SYNPR: variants seen among roughly 807,000 people sequenced by gnomAD.
SYNPR encodes the protein synaptoporin.
A neutral mutation model predicts 32.9 loss-of-function variants in SYNPR; 23 were observed. The ratio of observed to expected loss-of-function variants is 0.70; its 90% confidence interval spans 0.50 to 0.99. The LOEUF is 0.99. Among genes scored for constraint, SYNPR ranks in the 50% least tolerant of loss-of-function variants. SYNPR has a pLI of 0.00. For synonymous variants in SYNPR, 146 were observed against 135.9 expected (o/e 1.07, Z -0.52); for missense variants, 318 against 349.3 (o/e 0.91, Z 0.71).
intron 5 of SYNPR, 106 bp downstream of exon 5, chr3:63,609,422 T>G (rs1357564124): frequency 1.6e-5 from 16 of 1,029,860 alleles, no homozygotes; most frequent in Non-Finnish European, 9.4e-6. Flanking sequence ...CCTACAAAAC[T>G]AGGCCAATCA....
intron 2 of SYNPR, among the ~76,000 whole-genome samples, chr3:63,432,489 T>A (rs1037459767): frequency 1.3e-5 from 2 of 152,224 alleles, no homozygotes; most frequent in African/African-American, 4.8e-5. Flanking sequence ...TTTTTGTAAA[T>A]TTAATTGTAT....
intron 2 of SYNPR, among the ~76,000 whole-genome samples, chr3:63,478,122 A>G (rs1362359829): frequency 1.3e-5 from 2 of 152,200 alleles, no homozygotes; most frequent in Non-Finnish European, 2.9e-5. Flanking sequence ...AAGTAAAAAG[A>G]AAAAATTGTG....
intron 2 of SYNPR, among the ~76,000 whole-genome samples, chr3:63,400,536 C>T (rs946915810): frequency 6.6e-6 from 1 of 152,180 alleles, no homozygotes; most frequent in African/African-American, 2.4e-5. Context: ...CAAAACATGG[C>T]AGCTGATATT....
At chr3:63,377,614 G>T (rs1451880092) in intron 2 of SYNPR, among the ~76,000 whole-genome samples, 1 of 148,778 alleles carries the variant, frequency 6.7e-6, no homozygotes, top group Non-Finnish European at 1.5e-5. Context: ...CAATCCAAGT[G>T]AGATACATCT....
At chr3:63,529,149 T>C (rs1459132451) in intron 3 of SYNPR, among the ~76,000 whole-genome samples, 1 of 152,222 alleles carries the variant, frequency 6.6e-6, no homozygotes, top group Non-Finnish European at 1.5e-5. Flanking sequence ...ACAGTCATTC[T>C]TCAGTATCCA....
intron 2 of SYNPR, among the ~76,000 whole-genome samples, chr3:63,284,364 T>C (rs1472355935): frequency 6.6e-6 from 1 of 152,202 alleles, no homozygotes; most frequent in African/African-American, 2.4e-5. Flanking sequence ...GTGGCTTGCA[T>C]AGTTCTCCAA....
At chr3:63,538,410 T>A (rs1334721515) in intron 3 of SYNPR, among the ~76,000 whole-genome samples, 1 of 152,088 alleles carries the variant, frequency 6.6e-6, no homozygotes, top group Non-Finnish European at 1.5e-5. Flanking sequence ...TGATGATAAT[T>A]AATATTATTC....
intron 4 of SYNPR, among the ~76,000 whole-genome samples, chr3:63,571,593 C>A (rs1167227375): frequency 2.0e-5 from 3 of 151,974 alleles, no homozygotes; most frequent in African/African-American, 7.2e-5. Flanking sequence ...TAGTAATATT[C>A]TGTATTCAAA....
At chr3:63,316,121 G>A (rs2087040842) in intron 2 of SYNPR, among the ~76,000 whole-genome samples, 1 of 151,872 alleles carries the variant, frequency 6.6e-6, no homozygotes, top group Non-Finnish European at 1.5e-5. Flanking sequence ...CTTTTTGATA[G>A]GTTGTTGGAT....
chr3:63,511,085 G>C (rs1234614215), intron 3 of SYNPR, among the ~76,000 whole-genome samples: 1 of 152,016 alleles, frequency 6.6e-6, no homozygotes, highest in East Asian at 1.9e-4. Context: ...TAAAAATCTG[G>C]GTAGTTAATA....
At chr3:63,448,822 A>G (rs1308609245) in intron 2 of SYNPR, among the ~76,000 whole-genome samples, 1 of 152,172 alleles carries the variant, frequency 6.6e-6, no homozygotes, top group Non-Finnish European at 1.5e-5. Flanking sequence ...CTGAGTTTCT[A>G]TTTCATGGCC....
chr3:63,265,778 A>G (rs905956967), intron 2 of SYNPR, among the ~76,000 whole-genome samples: 3 of 152,218 alleles, frequency 2.0e-5, no homozygotes, highest in Admixed American at 6.5e-5. Context: ...GGCTGTGAAT[A>G]TCACCACTGT....
At chr3:63,462,041 A>C (rs995835650) in intron 2 of SYNPR, among the ~76,000 whole-genome samples, 3 of 152,012 alleles carry the variant, frequency 2.0e-5, no homozygotes, top group African/African-American at 7.2e-5. Flanking sequence ...GCCTCCTCTC[A>C]TGCTATGCTT....
chr3:63,373,215 C>A (rs1243656957), intron 2 of SYNPR, among the ~76,000 whole-genome samples: 1 of 152,114 alleles, frequency 6.6e-6, no homozygotes, highest in Non-Finnish European at 1.5e-5. Context: ...AGCAAGGGTA[C>A]TTAGCCAGGC....
chr3:63,581,986 G>A (rs1203474731), intron 4 of SYNPR, among the ~76,000 whole-genome samples: 1 of 152,052 alleles, frequency 6.6e-6, no homozygotes. Context: ...CTTGCAAAAT[G>A]TTTGCTTCCC....
Position 63,410,211 on chromosome 3 carries a change from C to A in SYNPR, c.85-70621C>A, listed in dbSNP as rs1004090365. 5.9e-5 allele frequency among the ~76,000 whole-genome samples: 9 copies of A among 152,148 alleles called. No homozygotes were observed. The South Asian group carries it at 1.9e-3, about 32-fold the overall frequency. ...CTGTATGCCAGATGTGGACTAGGTA[C>A]TGCAAAAACAAGACATGACAATTGT... On this transcript the variant is annotated intron_variant, in intron 2 of 5. Transcript: ENST00000478300.
rs540061439 is a variant in SYNPR, at chr3:63,443,298, T to A, written c.85-37534T>A. 1.6e-4 allele frequency: 236 copies of A among 1,480,024 alleles called. 1 individual carries two copies. The South Asian group carries it at 3.0e-3, about 19-fold the overall frequency. The allele number at this position is 1,480,024 out of a possible 1,614,324, so 91.7% of individuals were successfully genotyped here. A position where few individuals can be genotyped will look rare whatever the true frequency, so the allele number is the denominator to read the frequency against. ...GATTGGTATAACATCTCACTTTCCCTCTGCATTGATTTTCTTCTTCTCCTC... is the reference window on the plus strand; with the variant it reads ...GATTGGTATAACATCTCACTTTCCCACTGCATTGATTTTCTTCTTCTCCTC... On this transcript the variant is annotated intron_variant, in intron 2 of 5. Transcript: ENST00000478300.
rs1393280047 is a variant in SYNPR at position 63,261,737 on chromosome 3, T to G, written n.155-5580T>G. On this transcript the variant is annotated intron_variant and non_coding_transcript_variant, in intron 2 of 4. Transcript: ENST00000478456. ...ATAATAATAATAATAATAATAATAA[T>G]AGTAAAACAAACCATCATTCTGAGC... Among the ~76,000 whole-genome samples, 12 of 145,620 alleles carry G rather than the reference T, an allele frequency of 8.2e-5. No individual in the cohort carries two copies. In the Admixed American group the frequency reaches 8.4e-4, roughly 10 times the overall value.
chr3:63,566,242 C>A (rs1219553258), intron 4 of SYNPR, among the ~76,000 whole-genome samples: 1 of 151,892 alleles, frequency 6.6e-6, no homozygotes, highest in Non-Finnish European at 1.5e-5. Context: ...TTGGTAGACT[C>A]CCAAAGTGGT....
Sources: allele counts gnomAD v4.1 joint callset (sites outside exome capture counted in the v4.1 genomes callset), GRCh38; gene constraint gnomAD v4.1.1; transcripts MANE v1.5; gene names NCBI Gene and HGNC (gene_info 2026-07-23, HGNC 2026-07-21).